Variants in SCN7A observed in about 807,000 individuals in gnomAD.
SCN7A encodes the protein sodium voltage-gated channel alpha subunit 7, also known as sodium channel protein type 7 subunit alpha.
SCN7A carries 138 observed loss-of-function variants against 155.2 expected under a neutral mutation model. The ratio of observed to expected loss-of-function variants is 0.89; its 90% CI spans 0.77 to 1.02. SCN7A has a LOEUF of 1.02. SCN7A is among the 50% of genes least tolerant of loss of function. The probability of loss-of-function intolerance (pLI) is 0.00; values close to 1 mark genes in which losing one functional copy is unlikely to be tolerated. For missense variants in SCN7A, 2,058 were observed against 1,986.6 expected (o/e 1.04, Z -0.68); for synonymous variants, 693 against 649.0 (o/e 1.07, Z -1.03).
In SCN7A at chr2:166,406,645, T is replaced by C. The variant is rs34971284; in HGVS notation, c.3984A>G (p.Gly1328=). The C allele has an allele frequency of 6.3e-7, 1 of 1,584,904 alleles. No homozygotes were observed. The highest frequency in any genetic ancestry group is 1.8e-5 in the Admixed American group (1 of 55,682). Residue 1328 remains glycine, a splice_region_variant and synonymous_variant, in exon 26 of 26, where the codon GGA becomes GGG. Coordinates refer to ENST00000643258, the MANE Select transcript of SCN7A (RefSeq NM_002976.4). The part of the protein sequence containing the change: ...DFMVVIFSIT[G]LCLPMTVGSY... Reference sequence around the variant, plus strand: ...ATCCTACTGTCATAGGCAGACATAGTCCTGGGGGTGGGAAAGATAAAGCAG... The same window carrying C: ...ATCCTACTGTCATAGGCAGACATAGCCCTGGGGGTGGGAAAGATAAAGCAG...
At chr2:166,471,246 CTG>C (rs1196949167) in intron 6 of SCN7A, among the ~76,000 whole-genome samples, 2 of 151,852 alleles carry the variant, frequency 1.3e-5, no homozygotes, top group Non-Finnish European at 2.9e-5. Context: ...CATGAACTAA[CTG>C]TGCAACATGA....
intron 6 of SCN7A, 61 bp downstream of exon 6, chr2:166,472,256 T>A (rs1702675878): frequency 6.7e-7 from 1 of 1,483,964 alleles, no homozygotes; most frequent in Non-Finnish European, 9.0e-7. Context: ...TCAATTATTT[T>A]TTATGAAAAA....
chr2:166,411,754 AG>A (rs1701208020), intron 23 of SCN7A, among the ~76,000 whole-genome samples: 1 of 152,050 alleles, frequency 6.6e-6, no homozygotes, highest in Non-Finnish European at 1.5e-5. Context: ...CTGCGGTTTC[AG>A]GCATCCACTG....
In SCN7A at chr2:166,406,284, A is replaced by C. The variant is rs749738187; in HGVS notation, c.4345T>G (p.Ser1449Ala). Residue 1449 changes from serine (S) to alanine (A), a missense_variant, in exon 26 of 26, where the codon TCT (serine) becomes GCT (alanine). Physicochemically the swap from Ser to Ala is moderately conservative, Grantham distance 99 (BLOSUM62 1). Coordinates refer to ENST00000643258, the MANE Select transcript of SCN7A (RefSeq NM_002976.4). The part of the protein sequence containing the change: ...MLDAIFNSKW[S>A]DCDPDKINPG... The stretch of plus-strand genomic sequence containing the variant: ...TTAATTTTATCAGGATCACAGTCAG[A>C]CCATTTACTGTTGAAAATTGCATCA... 3 of 1,613,186 alleles carry C rather than the reference A, an allele frequency of 1.9e-6. No individual in the cohort carries two copies. Among genetic ancestry groups the C allele is most frequent in the Non-Finnish European group, 2.5e-6 (3 of 1,179,460 alleles).
rs566643475 is a variant in SCN7A at position 166,445,497 on chromosome 2, T to C, written c.1388-497A>G. ...TGAGGATAGAATTCTGATATGGAAT[T>C]CAAAAACAGAAATACTCTATCCTAA... is the stretch of plus-strand genomic sequence containing the variant. On this transcript the variant is annotated intron_variant, in intron 12 of 25. Coordinates refer to ENST00000643258, the MANE Select transcript of SCN7A (RefSeq NM_002976.4). Among the ~76,000 whole-genome samples, 4 of 152,292 alleles carry C rather than the reference T, an allele frequency of 2.6e-5. No individual in the cohort carries two copies. The South Asian group carries it at 8.3e-4, about 32-fold the overall frequency.
intron 11 of SCN7A, among the ~76,000 whole-genome samples, chr2:166,455,524 A>G (rs1702254961): frequency 6.6e-6 from 1 of 152,078 alleles, no homozygotes; most frequent in Non-Finnish European, 1.5e-5. Flanking sequence ...AATGGGAACA[A>G]CAGACCTTGG....
intron 2 of SCN7A, among the ~76,000 whole-genome samples, chr2:166,482,127 GAT>G (rs1344016563): frequency 6.6e-6 from 1 of 152,122 alleles, no homozygotes; most frequent in African/African-American, 2.4e-5. Context: ...AATTTCACAT[GAT>G]ATAAAAGTCT....
intron 8 of SCN7A, 61 bp downstream of exon 8, chr2:166,465,720 A>C: frequency 1.8e-5 from 27 of 1,538,238 alleles, no homozygotes; most frequent in Non-Finnish European, 2.4e-5. Context: ...ATTTCTGGGA[A>C]GACTGCTTTG....
chr2:166,443,317 G>C (rs1193708955), intron 14 of SCN7A, among the ~76,000 whole-genome samples, 186 bp downstream of exon 14: 1 of 152,052 alleles, frequency 6.6e-6, no homozygotes, highest in Non-Finnish European at 1.5e-5. Context: ...TTTTAACACT[G>C]TGGTCAAATA....
chr2:166,446,544 C>G (rs1187141352), intron 12 of SCN7A, among the ~76,000 whole-genome samples: 1 of 152,158 alleles, frequency 6.6e-6, no homozygotes, highest in Admixed American at 6.6e-5. Context: ...GATTATGAAT[C>G]GTTCTACCAT....
At chr2:166,447,809 G>T (rs570038663) in intron 11 of SCN7A, 101 bp from the exon 12 acceptor site, 1 of 744,470 alleles carries the variant, frequency 1.3e-6, no homozygotes, top group Non-Finnish European at 2.3e-6. Flanking sequence ...TTATTCTCCC[G>T]GAGCCTTTTC....
At position 166,406,144 on chromosome 2, in the gene SCN7A, GACA is replaced by G; in HGVS notation, c.4482_4484del (p.Val1495del). ...TAGAAGCAATATTTAAAAACTCCAT[GACA>G]ACAACAATGTACATATTTACAATGA... On this transcript the variant is annotated inframe_deletion, in exon 26 of 26. Coordinates refer to ENST00000643258, the MANE Select transcript of SCN7A (RefSeq NM_002976.4). 2.5e-6 allele frequency: 4 copies of G among 1,611,814 alleles called. No individual in the cohort carries two copies. The highest frequency in any genetic ancestry group is 3.4e-6 in the Non-Finnish European group (4 of 1,178,810).
chr2:166,437,805 G>A (rs1312928563), intron 15 of SCN7A, among the ~76,000 whole-genome samples: 2 of 152,094 alleles, frequency 1.3e-5, no homozygotes, highest in Admixed American at 1.3e-4. Context: ...CATGGTGGCT[G>A]TACCCCTTTG....
At position 166,405,876 on chromosome 2, in the gene SCN7A, C is replaced by T; in HGVS notation, c.4753G>A (p.Val1585Ile). The T allele has an allele frequency of 6.2e-7, 1 of 1,613,160 alleles. No individual in the cohort carries two copies. Among genetic ancestry groups the T allele is most frequent in the Non-Finnish European group, 8.5e-7 (1 of 1,179,396 alleles). Residue 1585 changes from valine to isoleucine, a missense_variant, in exon 26 of 26, where the codon GTT becomes ATT. Transcript: ENST00000643258. ...TCCATCCTCACATCTTGACCCATAA[C>T]TCTCTTTGTAAAAGCAAGTAAGATA... ...LDILLAFTKR[V>I]MGQDVRMEKV...
intron 15 of SCN7A, among the ~76,000 whole-genome samples, chr2:166,437,289 A>T (rs1281853013): frequency 1.3e-5 from 2 of 152,348 alleles, no homozygotes; most frequent in Non-Finnish European, 2.9e-5. Flanking sequence ...GCAAGCCCCA[A>T]GCCTGAGCAA....
At chr2:166,421,754 G>A (rs1432530076) in intron 19 of SCN7A, among the ~76,000 whole-genome samples, 5 of 151,698 alleles carry the variant, frequency 3.3e-5, no homozygotes, top group Non-Finnish European at 7.4e-5. Context: ...GGCTTTCAGA[G>A]GATAGGCATC....
intron 7 of SCN7A, among the ~76,000 whole-genome samples, chr2:166,466,221 T>G (rs1484649244): frequency 6.6e-6 from 1 of 152,160 alleles, no homozygotes; most frequent in Non-Finnish European, 1.5e-5. Flanking sequence ...CTATTTAAAA[T>G]TAATCATTTG....
At chr2:166,483,857 G>A (rs1702986511) in intron 2 of SCN7A, among the ~76,000 whole-genome samples, 1 of 151,718 alleles carries the variant, frequency 6.6e-6, no homozygotes, top group South Asian at 2.1e-4. Context: ...ACCAATTTAG[G>A]TACTCAAATC....
intron 19 of SCN7A, 64 bp from the exon 20 acceptor site, chr2:166,421,361 TAAAC>T: frequency 1.0e-6 from 1 of 959,380 alleles, no homozygotes; most frequent in South Asian, 2.1e-5. Context: ...ACATGTAAAA[TAAAC>T]TTTGCATTTA....
Sources: allele counts gnomAD v4.1 joint callset (sites outside exome capture counted in the v4.1 genomes callset), GRCh38; gene constraint gnomAD v4.1.1; transcripts MANE v1.5; gene names NCBI Gene and HGNC (gene_info 2026-07-23, HGNC 2026-07-21).